Variants in EPHA5 observed in about 807,000 individuals in gnomAD.
The protein encoded by EPHA5 is ephrin type-A receptor 5.
In EPHA5, 60 loss-of-function variants were observed where a neutral mutation model predicts 105.0. The observed-to-expected ratio is 0.57, with a 90% confidence interval of 0.46 to 0.71. The LOEUF is 0.71. EPHA5 is among the 30% of genes least tolerant of loss of function. The pLI is 0.00. For synonymous variants in EPHA5, 513 were observed against 449.1 expected (o/e 1.14, Z -1.80); for missense variants, 1,218 against 1,274.7 (o/e 0.96, Z 0.68).
chr4:65,547,728 C>A (rs1737518995), intron 3 of EPHA5, among the ~76,000 whole-genome samples: 1 of 152,104 alleles, frequency 6.6e-6, no homozygotes, highest in South Asian at 2.1e-4. Flanking sequence ...TTAATTGGCC[C>A]TTTTGACAAT....
intron 3 of EPHA5, among the ~76,000 whole-genome samples, chr4:65,527,017 G>C (rs776959278): frequency 1.3e-5 from 2 of 151,866 alleles, no homozygotes; most frequent in African/African-American, 4.8e-5. Flanking sequence ...AAATAAATCA[G>C]ACTAAAAATC....
At chr4:65,599,821 C>T (rs563805549) in intron 3 of EPHA5, among the ~76,000 whole-genome samples, 12 of 152,278 alleles carry the variant, frequency 7.9e-5, no homozygotes, top group African/African-American at 2.2e-4. Flanking sequence ...AAGATGTATG[C>T]TAACACTTGC....
chr4:65,488,145 T>G (rs927679923), intron 5 of EPHA5, among the ~76,000 whole-genome samples: 16 of 152,194 alleles, frequency 1.1e-4, no homozygotes, highest in Non-Finnish European at 2.2e-4. Flanking sequence ...AAATTGATCT[T>G]TTTTTGGTAT....
intron 16 of EPHA5, among the ~76,000 whole-genome samples, chr4:65,327,435 T>A (rs1457309180): frequency 6.6e-6 from 1 of 151,152 alleles, no homozygotes; most frequent in Non-Finnish European, 1.5e-5. Flanking sequence ...TAAACCCATC[T>A]CCCCAGCGGA....
At chr4:65,365,858 C>T (rs2148891579) in intron 10 of EPHA5, 74 bp downstream of exon 10, 3 of 1,446,106 alleles carry the variant, frequency 2.1e-6, no homozygotes, top group African/African-American at 1.4e-5. Context: ...TTCTCTGTTA[C>T]ATCAGGACAC....
At chr4:65,519,839 C>T (rs1193258530) in intron 3 of EPHA5, among the ~76,000 whole-genome samples, 1 of 152,068 alleles carries the variant, frequency 6.6e-6, no homozygotes, top group Non-Finnish European at 1.5e-5. Flanking sequence ...AGGACCTCTT[C>T]AAGGAGAACT....
chr4:65,550,975 A>C (rs1737838281), intron 3 of EPHA5, among the ~76,000 whole-genome samples: 1 of 152,082 alleles, frequency 6.6e-6, no homozygotes, highest in Middle Eastern at 3.2e-3. Context: ...ATTTTTAGAA[A>C]AGGCAACTGC....
intron 8 of EPHA5, among the ~76,000 whole-genome samples, chr4:65,379,256 C>G (rs1194716457): frequency 5.0e-5 from 7 of 138,678 alleles, no homozygotes; most frequent in Admixed American, 3.8e-4. Flanking sequence ...AGCTTTGTGT[C>G]TTATGAATAA....
chr4:65,619,712 A>C (rs1745544698), intron 2 of EPHA5, among the ~76,000 whole-genome samples: 1 of 152,002 alleles, frequency 6.6e-6, no homozygotes, highest in Admixed American at 6.6e-5. Context: ...CTCATTAATT[A>C]TTATATATAT....
chr4:65,371,499 G>T (rs923806387), intron 8 of EPHA5, among the ~76,000 whole-genome samples: 1 of 151,788 alleles, frequency 6.6e-6, no homozygotes, highest in South Asian at 2.1e-4. Flanking sequence ...TAACAAATTT[G>T]GATATTTAAG....
At chr4:65,452,878 G>T (rs981418014) in intron 5 of EPHA5, among the ~76,000 whole-genome samples, 1 of 152,094 alleles carries the variant, frequency 6.6e-6, no homozygotes, top group African/African-American at 2.4e-5. Context: ...ATTGAAAAAA[G>T]AAGACGAAGA....
chr4:65,454,914 C>T (rs1260062612), intron 5 of EPHA5, among the ~76,000 whole-genome samples: 3 of 152,142 alleles, frequency 2.0e-5, no homozygotes, highest in African/African-American at 7.2e-5. Flanking sequence ...ACCTCTGACT[C>T]TCTCTCTTTC....
intron 3 of EPHA5, among the ~76,000 whole-genome samples, chr4:65,519,064 C>A (rs1323285308): frequency 6.6e-6 from 1 of 151,976 alleles, no homozygotes; most frequent in African/African-American, 2.4e-5. Flanking sequence ...CAAAAATCCT[C>A]AATAAAATTC....
chr4:65,386,502 A>G lies in EPHA5; in HGVS notation c.1793+17872T>C, dbSNP rs1398315218. On this transcript the variant is annotated intron_variant, in intron 8 of 16. Coordinates refer to ENST00000613740, the MANE Select transcript of EPHA5 (RefSeq NM_001281766.3). ...AATTTTATGAATGTGTTCTAAGGAC[A>G]TTAATGACAGAAATAGTAAGATACA... is the stretch of plus-strand genomic sequence containing the variant. Among the ~76,000 whole-genome samples the G allele has an allele frequency of 5.9e-5, 9 of 152,052 alleles. No individual in the cohort carries two copies. The East Asian group carries it at 1.8e-3, about 30-fold the overall frequency.
intron 5 of EPHA5, among the ~76,000 whole-genome samples, chr4:65,466,323 A>G (rs997862235): frequency 6.6e-6 from 1 of 152,240 alleles, no homozygotes; most frequent in Non-Finnish European, 1.5e-5. Context: ...TGGAAAGTTC[A>G]ATGATTGGCA....
At chr4:65,573,434 A>AAG in intron 3 of EPHA5, 7 of 1,102,610 alleles carry the variant, frequency 6.3e-6, no homozygotes, top group Non-Finnish European at 7.4e-6. Context: ...AAAAAAAAAA[A>AAG]AGAAGCTCTT....
In EPHA5 at chr4:65,495,511, G is replaced by A. The variant is rs1311812893; in HGVS notation, c.943C>T (p.His315Tyr). ...CRPGFFKASP[H>Y]IQSCGKCPPH... Reference sequence around the variant, plus strand: ...GGACATTTGCCGCAGCTCTGGATGTGAGGTGAGGCTTTGAAGAACCCAGGT... The same window carrying A: ...GGACATTTGCCGCAGCTCTGGATGTAAGGTGAGGCTTTGAAGAACCCAGGT... The change falls in exon 4 of 17, where the codon CAC becomes TAC. Residue 315 changes from histidine to tyrosine, a missense_variant. His to Tyr is a moderately conservative substitution (Grantham distance 83). Transcript: ENST00000613740. 6.2e-7 allele frequency: 1 copy of A among 1,613,782 alleles called. No homozygotes were observed. The highest frequency in any genetic ancestry group is 1.1e-5 in the South Asian group (1 of 91,050).
Position 65,637,569 on chromosome 4 carries a change from C to CATATATATATATATATATAT in EPHA5, c.246+5774_246+5793dup, listed in dbSNP as rs34456844. ...TATATATACACAAATATGAGTTTTG[C>CATATATATATATATATATAT]ATATATATATATATATATATATATA... On this transcript the variant is annotated intron_variant, in intron 2 of 16. Transcript: ENST00000613740. Among the ~76,000 whole-genome samples, 169 of 112,400 alleles carry CATATATATATATATATATAT rather than the reference C, an allele frequency of 1.5e-3. 6 individuals carry two copies. The highest frequency in any genetic ancestry group is 2.1e-3 in the Non-Finnish European group (114 of 53,414). 73.7% of individuals were successfully genotyped at this position (112,400 alleles called of 152,430 possible). A position where few individuals can be genotyped will look rare whatever the true frequency, so the allele number is the denominator to read the frequency against.
intron 3 of EPHA5, among the ~76,000 whole-genome samples, chr4:65,557,799 A>G (rs1738603234): frequency 6.6e-6 from 1 of 152,166 alleles, no homozygotes; most frequent in South Asian, 2.1e-4. Context: ...TGTGAGTTCA[A>G]AAACGAAAAT....
Sources: allele counts gnomAD v4.1 joint callset (sites outside exome capture counted in the v4.1 genomes callset), GRCh38; gene constraint gnomAD v4.1.1; transcripts MANE v1.5; gene names NCBI Gene and HGNC (gene_info 2026-07-23, HGNC 2026-07-21).